The following ZNF804B variants were observed in gnomAD, a reference collection of about 807,000 sequenced individuals.
The protein encoded by ZNF804B is zinc finger protein 804B.
ZNF804B carries 80 observed loss-of-function variants against 101.4 expected under a neutral mutation model. The ratio of observed to expected loss-of-function variants is 0.79; its 90% confidence interval spans 0.66 to 0.95. The LOEUF is 0.95. ZNF804B is among the 40% of genes least tolerant of loss of function. The pLI is 0.00. For missense variants in ZNF804B, 1,673 were observed against 1,561.9 expected (o/e 1.07, Z -1.20); for synonymous variants, 622 against 558.8 (o/e 1.11, Z -1.59).
chr7:88,977,971 T>G (rs1793640146), intron 1 of ZNF804B, among the ~76,000 whole-genome samples: 1 of 151,822 alleles, frequency 6.6e-6, no homozygotes, highest in Non-Finnish European at 1.5e-5. Context: ...ACTTTCTTTT[T>G]AATTTCTTCG....
intron 2 of ZNF804B, among the ~76,000 whole-genome samples, chr7:89,287,361 A>C (rs2115887632): frequency 6.6e-6 from 1 of 152,216 alleles, no homozygotes; most frequent in East Asian, 1.9e-4. Flanking sequence ...GACATTAGAG[A>C]GCTCAAGGCT....
intron 2 of ZNF804B, among the ~76,000 whole-genome samples, chr7:89,259,041 A>G (rs933827933): frequency 1.3e-5 from 2 of 152,128 alleles, no homozygotes; most frequent in African/African-American, 4.8e-5. Context: ...TTTCTCCAAA[A>G]TTTGCCCATA....
chr7:88,877,025 T>TATATTTTTTTTTTTGAAAAAAAA (rs1791955757), intron 1 of ZNF804B, among the ~76,000 whole-genome samples: 1 of 59,274 alleles, frequency 1.7e-5, no homozygotes, highest in Non-Finnish European at 2.7e-5. Flanking sequence ...TATATATATA[T>TATATTTTTTTTTTTGAAAAAAAA]AATATATATA....
At chr7:88,821,027 A>C (rs1467773611) in intron 1 of ZNF804B, among the ~76,000 whole-genome samples, 1 of 152,194 alleles carries the variant, frequency 6.6e-6, no homozygotes, top group Non-Finnish European at 1.5e-5. Context: ...CCCTTGCTCA[A>C]ACCTCCATGG....
chr7:89,265,910 A>G (rs895445160), intron 2 of ZNF804B, among the ~76,000 whole-genome samples: 1 of 152,130 alleles, frequency 6.6e-6, no homozygotes, highest in Admixed American at 6.5e-5. Flanking sequence ...AAGTTTCCAT[A>G]TTGCAGTTCT....
At chr7:89,211,766 G>A (rs1212402428) in intron 1 of ZNF804B, among the ~76,000 whole-genome samples, 1 of 152,152 alleles carries the variant, frequency 6.6e-6, no homozygotes, top group African/African-American at 2.4e-5. Context: ...ATACTTTGAA[G>A]TCCAGTAGCA....
At chr7:89,047,602 T>C (rs188087259) in intron 1 of ZNF804B, among the ~76,000 whole-genome samples, 7 of 152,244 alleles carry the variant, frequency 4.6e-5, no homozygotes, top group African/African-American at 9.6e-5. Context: ...GGTAGCCAAA[T>C]ATAAATGTTC....
At chr7:89,189,461 G>A (rs973636012) in intron 1 of ZNF804B, among the ~76,000 whole-genome samples, 4 of 152,102 alleles carry the variant, frequency 2.6e-5, no homozygotes, top group Admixed American at 6.6e-5. Flanking sequence ...CTTGTGGTAT[G>A]AGCCCCATTT....
At chr7:89,247,661 GA>G (rs1473361638) in intron 2 of ZNF804B, among the ~76,000 whole-genome samples, 1 of 152,144 alleles carries the variant, frequency 6.6e-6, no homozygotes, top group Non-Finnish European at 1.5e-5. Flanking sequence ...GTCTCCAGAT[GA>G]CAAGGAACCA....
In ZNF804B at chr7:89,336,705, A is replaced by T; in HGVS notation, c.3723A>T (p.Ala1241=). 6.2e-7 allele frequency: 1 copy of T among 1,614,086 alleles called. No homozygotes were observed. Among genetic ancestry groups the T allele is most frequent in the Non-Finnish European group, 8.5e-7 (1 of 1,180,018 alleles). The part of the protein sequence containing the change: ...PIAHLHPLSQ[A]HFSPISFSTL... ...CTCATCTACATCCTCTTTCACAGGC[A>T]CATTTCAGTCCTATTTCATTTTCGA... is the stretch of plus-strand genomic sequence containing the variant. Residue 1241 remains alanine, a synonymous_variant, in exon 4 of 4, where the codon GCA becomes GCT. Coordinates refer to ENST00000333190, the MANE Select transcript of ZNF804B (RefSeq NM_181646.5).
At chr7:89,236,621 A>C (rs1789285755) in intron 2 of ZNF804B, among the ~76,000 whole-genome samples, 1 of 152,164 alleles carries the variant, frequency 6.6e-6, no homozygotes, top group Non-Finnish European at 1.5e-5. Context: ...AAATACAAAG[A>C]GTTCAGAATC....
intron 1 of ZNF804B, among the ~76,000 whole-genome samples, chr7:89,108,434 A>G (rs553128765): frequency 6.6e-6 from 1 of 152,216 alleles, no homozygotes; most frequent in East Asian, 1.9e-4. Flanking sequence ...AGGGAAGGAA[A>G]AGTATCTTAC....
At position 88,888,833 on chromosome 7, in the gene ZNF804B, G is replaced by C. The variant is rs185411964; in HGVS notation, c.108+128749G>C. Among the ~76,000 whole-genome samples the C allele has an allele frequency of 2.7e-3, 404 of 151,944 alleles. 4 individuals carry two copies. The highest frequency in any genetic ancestry group is 3.8e-3 in the Non-Finnish European group (260 of 67,966). Reference sequence around the variant, plus strand: ...GTTTTAAAGTCACAAGACACTTACCGGTTTGTTACATAGATATATTGCGTA... The same window carrying C: ...GTTTTAAAGTCACAAGACACTTACCCGTTTGTTACATAGATATATTGCGTA... On this transcript the variant is annotated intron_variant, in intron 1 of 3. Transcript: ENST00000333190.
chr7:88,826,031 T>G (rs1055436485), intron 1 of ZNF804B, among the ~76,000 whole-genome samples: 3 of 152,172 alleles, frequency 2.0e-5, no homozygotes, highest in Non-Finnish European at 4.4e-5. Context: ...ATAGGAAGAT[T>G]TCTGATAACA....
chr7:89,050,963 C>T (rs1789194730), intron 1 of ZNF804B, among the ~76,000 whole-genome samples: 1 of 148,580 alleles, frequency 6.7e-6, no homozygotes, highest in South Asian at 2.1e-4. Context: ...CAAAATAAAC[C>T]TCGTTTTATG....
chr7:89,126,952 CA>C (rs1562891364), intron 1 of ZNF804B, among the ~76,000 whole-genome samples: 2 of 151,838 alleles, frequency 1.3e-5, no homozygotes, highest in African/African-American at 4.8e-5. Flanking sequence ...TGCCAGAAAA[CA>C]AACATGAAAA....
intron 1 of ZNF804B, among the ~76,000 whole-genome samples, chr7:89,160,286 CT>C (rs1791039244): frequency 6.6e-6 from 1 of 152,120 alleles, no homozygotes; most frequent in Non-Finnish European, 1.5e-5. Context: ...TCAATAGTGT[CT>C]TTCCTGTCAC....
intron 1 of ZNF804B, among the ~76,000 whole-genome samples, chr7:89,122,079 A>G (rs964317903): frequency 6.6e-6 from 1 of 151,716 alleles, no homozygotes; most frequent in African/African-American, 2.4e-5. Flanking sequence ...TAATATATAT[A>G]TTAAACTACT....
At chr7:88,866,316 T>G (rs949955074) in intron 1 of ZNF804B, among the ~76,000 whole-genome samples, 1 of 152,226 alleles carries the variant, frequency 6.6e-6, no homozygotes, top group African/African-American at 2.4e-5. Flanking sequence ...TTGTTTCTTT[T>G]CCATCAAGAG....
Sources: gnomAD v4.1 joint callset for allele counts (sites outside exome capture counted in the v4.1 genomes callset) on GRCh38, gnomAD v4.1.1 for gene constraint, MANE v1.5 for transcripts, NCBI Gene and HGNC (gene_info 2026-07-23, HGNC 2026-07-21) for gene names.